Variants in SLIT2 observed in about 807,000 individuals in gnomAD.
SLIT2 encodes the protein slit homolog 2 protein.
In SLIT2, 41 loss-of-function variants were observed where a neutral mutation model predicts 185.7. The ratio of observed to expected loss-of-function variants is 0.22; its 90% CI spans 0.17 to 0.29. The LOEUF (loss-of-function observed/expected upper bound fraction) is 0.29, where lower values mean the gene tolerates loss of function less well. Among genes scored for constraint, SLIT2 ranks in the 10% least tolerant of loss-of-function variants. The pLI is 1.00. For synonymous variants in SLIT2, 693 were observed against 680.2 expected (o/e 1.02, Z -0.29); for missense variants, 1,571 against 1,909.0 (o/e 0.82, Z 3.30).
rs1045698450 is a variant in SLIT2, at chr4:20,297,044, C to G, written c.395+28163C>G. 5.9e-5 allele frequency among the ~76,000 whole-genome samples: 9 copies of G among 152,180 alleles called. 1 individual carries two copies. Among genetic ancestry groups the G allele is most frequent in the African/African-American group, 2.2e-4 (9 of 41,452 alleles). ...TAATATATCTTGATTTTCAAAGTGC[C>G]ATTTTTTCCCGTTTTGAACCCAGAC... On this transcript the variant is annotated intron_variant, in intron 4 of 36. Coordinates refer to ENST00000504154, the MANE Select transcript of SLIT2 (RefSeq NM_004787.4).
At chr4:20,463,464 T>C (rs1159661407) in intron 4 of SLIT2, among the ~76,000 whole-genome samples, 1 of 71,658 alleles carries the variant, frequency 1.4e-5, no homozygotes, top group Non-Finnish European at 2.8e-5. Flanking sequence ...TATATATATA[T>C]ATATATATAT....
intron 4 of SLIT2, among the ~76,000 whole-genome samples, chr4:20,458,420 G>T (rs1713328898): frequency 6.6e-6 from 1 of 152,134 alleles, no homozygotes; most frequent in Non-Finnish European, 1.5e-5. Context: ...AGTTCCAGTG[G>T]GTTACCAACA....
At chr4:20,537,509 C>A (rs1395958434) in intron 18 of SLIT2, among the ~76,000 whole-genome samples, 1 of 152,110 alleles carries the variant, frequency 6.6e-6, no homozygotes, top group Admixed American at 6.6e-5. Context: ...CAAAGTATTT[C>A]TTCTTGTTTT....
chr4:20,473,541 G>T (rs1715790542), intron 5 of SLIT2, among the ~76,000 whole-genome samples: 1 of 151,944 alleles, frequency 6.6e-6, no homozygotes, highest in African/African-American at 2.4e-5. Context: ...TCACCTATGT[G>T]TTGTTACAGA....
intron 4 of SLIT2, among the ~76,000 whole-genome samples, chr4:20,272,005 A>G (rs1040298073): frequency 1.1e-4 from 16 of 152,050 alleles, no homozygotes; most frequent in Admixed American, 7.2e-4. Context: ...GTCTGCTCCA[A>G]TTTCTCTTTG....
intron 33 of SLIT2, among the ~76,000 whole-genome samples, chr4:20,609,774 C>G (rs1379401170): frequency 6.6e-6 from 1 of 152,108 alleles, no homozygotes; most frequent in Non-Finnish European, 1.5e-5. Flanking sequence ...GTAGTTATTT[C>G]TACTTCTTGT....
In SLIT2 at chr4:20,524,201, C is replaced by G. The variant is rs779479154; in HGVS notation, c.1438+24C>G. On this transcript the variant is annotated intron_variant, in intron 14 of 36. Coordinates refer to ENST00000504154, the MANE Select transcript of SLIT2 (RefSeq NM_004787.4). ...AGGTAATTTCTTCACGTGTTATTTC[C>G]CCTGTGACCAACAACAATGGTTACA... 5 of 1,610,950 alleles carry G rather than the reference C, an allele frequency of 3.1e-6. No individual in the cohort carries two copies. The Admixed American group carries it at 8.3e-5, about 27-fold the overall frequency.
intron 4 of SLIT2, among the ~76,000 whole-genome samples, chr4:20,303,121 A>G (rs1717207877): frequency 6.6e-6 from 1 of 152,214 alleles, no homozygotes; most frequent in Non-Finnish European, 1.5e-5. Flanking sequence ...GTAGTGTTAC[A>G]TGGAAAATGT....
chr4:20,467,805 C>T lies in SLIT2; in HGVS notation c.449C>T (p.Ala150Val). Residue 150 changes from alanine to valine, a missense_variant, in exon 5 of 37, where the codon GCA becomes GTA. Transcript: ENST00000504154. Reference sequence around the variant, plus strand: ...ATCCCAAGGAAAGCTTTCCGTGGGGCAGTTGACATAAAAAATTTGTAAGTA... The same window carrying T: ...ATCCCAAGGAAAGCTTTCCGTGGGGTAGTTGACATAAAAAATTTGTAAGTA... The part of the protein sequence containing the change: ...QAIPRKAFRG[A>V]VDIKNLQLDY... 2 of 1,586,912 alleles carry T rather than the reference C, an allele frequency of 1.3e-6. No individual in the cohort carries two copies. Among genetic ancestry groups the T allele is most frequent in the Non-Finnish European group, 1.7e-6 (2 of 1,162,364 alleles).
intron 4 of SLIT2, among the ~76,000 whole-genome samples, chr4:20,440,352 A>C (rs1386622779): frequency 1.3e-5 from 2 of 152,198 alleles, no homozygotes; most frequent in African/African-American, 2.4e-5. Flanking sequence ...CACCAGTCAG[A>C]GTGGGGACCA....
At chr4:20,426,665 C>T (rs182068267) in intron 4 of SLIT2, among the ~76,000 whole-genome samples, 6 of 152,042 alleles carry the variant, frequency 3.9e-5, no homozygotes, top group East Asian at 1.9e-4. Context: ...AACCTTAAAC[C>T]GTAACTTAAG....
intron 17 of SLIT2, among the ~76,000 whole-genome samples, chr4:20,532,334 CATTAA>C (rs1314964377): frequency 6.6e-6 from 1 of 152,166 alleles, no homozygotes; most frequent in Non-Finnish European, 1.5e-5. Context: ...AATCTAAGCA[CATTAA>C]AATGGGTTCA....
chr4:20,386,060 T>TC lies in SLIT2; in HGVS notation c.396-81686dup, dbSNP rs528772871. ...AAAATAAGCAAAATACACTTTCACC[T>TC]CCCCCCACCAAAAATGCCATAATGT... is the stretch of plus-strand genomic sequence containing the variant. On this transcript the variant is annotated intron_variant, in intron 4 of 36. Coordinates refer to ENST00000504154, the MANE Select transcript of SLIT2 (RefSeq NM_004787.4). 4.6e-5 allele frequency among the ~76,000 whole-genome samples: 7 copies of TC among 151,880 alleles called. No homozygotes were observed. The East Asian group carries it at 1.4e-3, about 29-fold the overall frequency.
intron 4 of SLIT2, among the ~76,000 whole-genome samples, chr4:20,333,456 G>GT (rs1226608909): frequency 6.6e-6 from 1 of 151,900 alleles, no homozygotes; most frequent in Non-Finnish European, 1.5e-5. Context: ...TCACCTCCTT[G>GT]TTTCTCCCTC....
chr4:20,282,845 T>C (rs1038561172), intron 4 of SLIT2, among the ~76,000 whole-genome samples: 1 of 152,218 alleles, frequency 6.6e-6, no homozygotes. Flanking sequence ...TTACTTCTGA[T>C]TGAGATTTTA....
chr4:20,356,177 A>G (rs924383845), intron 4 of SLIT2, among the ~76,000 whole-genome samples: 5 of 152,180 alleles, frequency 3.3e-5, no homozygotes, highest in Admixed American at 6.5e-5. Context: ...AAAAGCCAGC[A>G]TAAGAAGATT....
At chr4:20,325,300 C>G (rs1002834220) in intron 4 of SLIT2, among the ~76,000 whole-genome samples, 2 of 151,068 alleles carry the variant, frequency 1.3e-5, no homozygotes, top group African/African-American at 4.9e-5. Flanking sequence ...AGAAAAATAT[C>G]TCTGGGACAG....
At chr4:20,277,862 G>A (rs374545777) in intron 4 of SLIT2, among the ~76,000 whole-genome samples, 56 of 151,268 alleles carry the variant, frequency 3.7e-4, no homozygotes, top group African/African-American at 1.2e-3. Context: ...AAGATTAGAC[G>A]TCATAAAATG....
intron 15 of SLIT2, among the ~76,000 whole-genome samples, chr4:20,527,310 T>C (rs1335593099): frequency 6.6e-6 from 1 of 151,972 alleles, no homozygotes; most frequent in Non-Finnish European, 1.5e-5. Context: ...TTTTTGGAGA[T>C]GGAGTCTCGC....
Sources: gnomAD v4.1 joint callset for allele counts (sites outside exome capture counted in the v4.1 genomes callset) on GRCh38, gnomAD v4.1.1 for gene constraint, MANE v1.5 for transcripts, NCBI Gene and HGNC (gene_info 2026-07-23, HGNC 2026-07-21) for gene names.